ATG10: variants seen among roughly 807,000 people sequenced by gnomAD.
ATG10 encodes autophagy related 10, also known as ubiquitin-like-conjugating enzyme ATG10.
A neutral mutation model predicts 32.1 loss-of-function variants in ATG10; 30 were observed. The ratio of observed to expected loss-of-function variants is 0.94; its 90% CI spans 0.70 to 1.27. ATG10 has a LOEUF of 1.27. Among genes scored for constraint, ATG10 ranks in the 50% most tolerant of loss-of-function variants. The pLI is 0.00. For synonymous variants in ATG10, 87 were observed against 91.5 expected (o/e 0.95, Z 0.28); for missense variants, 233 against 262.3 (o/e 0.89, Z 0.77).
intron 3 of ATG10, among the ~76,000 whole-genome samples, chr5:82,107,717 G>A (rs1406306303): frequency 6.6e-6 from 1 of 152,032 alleles, no homozygotes; most frequent in African/African-American, 2.4e-5. Flanking sequence ...GTGATGGAGA[G>A]TCAAAGGTGA....
At chr5:82,011,609 C>A (rs932431513) in intron 2 of ATG10, among the ~76,000 whole-genome samples, 1 of 152,234 alleles carries the variant, frequency 6.6e-6, no homozygotes, top group Non-Finnish European at 1.5e-5. Flanking sequence ...CTCAACGTTA[C>A]ATTTGTGCAT....
intron 6 of ATG10, 138 bp from the exon 7 acceptor site, chr5:82,253,176 T>G: frequency 3.1e-6 from 2 of 639,594 alleles, no homozygotes; most frequent in Non-Finnish European, 5.6e-6. Flanking sequence ...TCAGAAATGC[T>G]GAGATTCCAG....
intron 2 of ATG10, among the ~76,000 whole-genome samples, chr5:82,014,775 C>T (rs1353887086): frequency 1.3e-5 from 2 of 151,900 alleles, no homozygotes; most frequent in South Asian, 4.2e-4. Flanking sequence ...GGCCTTGACT[C>T]TATCCAATTT....
At chr5:82,246,592 T>C (rs993720244) in intron 5 of ATG10, among the ~76,000 whole-genome samples, 2 of 151,930 alleles carry the variant, frequency 1.3e-5, no homozygotes, top group African/African-American at 4.8e-5. Context: ...TTCAATATGC[T>C]TTCATTTCTT....
At chr5:82,021,157 G>A (rs567208311) in intron 2 of ATG10, among the ~76,000 whole-genome samples, 2 of 152,224 alleles carry the variant, frequency 1.3e-5, no homozygotes, top group African/African-American at 4.8e-5. Context: ...CAATAACTCA[G>A]TAGGTAATGT....
chr5:82,039,844 G>T (rs1159707851), intron 2 of ATG10, among the ~76,000 whole-genome samples: 2 of 152,148 alleles, frequency 1.3e-5, no homozygotes, highest in Non-Finnish European at 2.9e-5. Flanking sequence ...TTCAGCCAGG[G>T]CTTTGCTGGG....
At chr5:82,237,591 C>T (rs952369143) in intron 5 of ATG10, among the ~76,000 whole-genome samples, 4 of 151,144 alleles carry the variant, frequency 2.6e-5, no homozygotes, top group Non-Finnish European at 4.4e-5. Context: ...TGCAGTGAGC[C>T]GAGATCATGC....
intron 3 of ATG10, among the ~76,000 whole-genome samples, chr5:82,058,919 A>G (rs1212468729): frequency 1.3e-5 from 2 of 152,150 alleles, no homozygotes; most frequent in African/African-American, 4.8e-5. Context: ...GATTGTAGTG[A>G]GCCGTCATAC....
chr5:82,123,154 A>G (rs1451243182), intron 3 of ATG10, among the ~76,000 whole-genome samples: 3 of 152,262 alleles, frequency 2.0e-5, no homozygotes, highest in Admixed American at 2.0e-4. Context: ...TGTAGTACAT[A>G]TACACCATAG....
intron 4 of ATG10, among the ~76,000 whole-genome samples, chr5:82,167,573 G>T (rs1226204439): frequency 6.6e-6 from 1 of 152,174 alleles, no homozygotes; most frequent in East Asian, 1.9e-4. Flanking sequence ...GGAGACCTAA[G>T]ACCCAAACCA....
chr5:82,138,900 G>C (rs1353044412), intron 3 of ATG10, among the ~76,000 whole-genome samples: 2 of 104,664 alleles, frequency 1.9e-5, no homozygotes, highest in Non-Finnish European at 3.6e-5. Flanking sequence ...CCTCTCATGC[G>C]GAGCCGAAGC....
At chr5:82,006,799 A>G (rs533119900) in intron 2 of ATG10, among the ~76,000 whole-genome samples, 4 of 152,120 alleles carry the variant, frequency 2.6e-5, no homozygotes, top group Admixed American at 6.6e-5. Context: ...TTCTATCTTT[A>G]TGAATTTGAT....
At chr5:81,983,955 A>C (rs1372120980) in intron 1 of ATG10, among the ~76,000 whole-genome samples, 1 of 141,466 alleles carries the variant, frequency 7.1e-6, no homozygotes, top group Non-Finnish European at 1.5e-5. Flanking sequence ...GGCGGCCGGG[A>C]AGAGGCGCTC....
intron 2 of ATG10, among the ~76,000 whole-genome samples, chr5:82,016,864 A>T (rs776394060): frequency 2.6e-5 from 4 of 151,054 alleles, no homozygotes; most frequent in African/African-American, 9.7e-5. Flanking sequence ...AATTTTTTGT[A>T]TTTTTTTAGT....
At chr5:82,132,198 A>T (rs1357957320) in intron 3 of ATG10, among the ~76,000 whole-genome samples, 1 of 152,098 alleles carries the variant, frequency 6.6e-6, no homozygotes, top group African/African-American at 2.4e-5. Context: ...AGTGTGTACT[A>T]TAGTTCCTGG....
At chr5:82,027,584 TATAA>T (rs1762631919) in intron 2 of ATG10, among the ~76,000 whole-genome samples, 1 of 152,226 alleles carries the variant, frequency 6.6e-6, no homozygotes, top group South Asian at 2.1e-4. Context: ...TCCCTAACTC[TATAA>T]ATAGATTTTA....
chr5:82,086,662 A>G (rs1764707052), intron 3 of ATG10, among the ~76,000 whole-genome samples: 1 of 152,212 alleles, frequency 6.6e-6, no homozygotes, highest in Non-Finnish European at 1.5e-5. Context: ...GTCCTTGGAA[A>G]TCATGCATTC....
intron 2 of ATG10, among the ~76,000 whole-genome samples, chr5:82,003,202 ATTAGT>A (rs1204004493): frequency 1.3e-5 from 2 of 152,224 alleles, no homozygotes; most frequent in Non-Finnish European, 2.9e-5. Context: ...GATAAAAGTG[ATTAGT>A]AGAAAATCAA....
At position 82,161,696 on chromosome 5, in the gene ATG10, AAC is replaced by A. The variant is rs60780834; in HGVS notation, c.217-2667_217-2666del. Among the ~76,000 whole-genome samples the A allele has an allele frequency of 2.1e-3, 274 of 129,688 alleles. 1 individual carries two copies. Among genetic ancestry groups the A allele is most frequent in the Middle Eastern group, 3.8e-3 (1 of 264 alleles). 85.1% of individuals were successfully genotyped at this position (129,688 alleles called of 152,430 possible). On this transcript the variant is annotated intron_variant, in intron 3 of 7. Transcript: ENST00000282185. ...GCTCAATAGAGAAGATTAGAGAATAAACACACACACACACACACACACACACA... is the reference window on the plus strand; with the variant it reads ...GCTCAATAGAGAAGATTAGAGAATAAACACACACACACACACACACACACA...
Sources: gnomAD v4.1 joint callset for allele counts (sites outside exome capture counted in the v4.1 genomes callset) on GRCh38, gnomAD v4.1.1 for gene constraint, MANE v1.5 for transcripts, NCBI Gene and HGNC (gene_info 2026-07-23, HGNC 2026-07-21) for gene names.